PPM1L: variants seen among roughly 807,000 people sequenced by gnomAD.
PPM1L encodes protein phosphatase, Mg2+/Mn2+ dependent 1L.
Under a neutral mutation model 31.4 loss-of-function variants are expected in PPM1L, and 13 were observed. That is an observed-to-expected ratio of 0.41 (90% confidence interval 0.27 to 0.66). PPM1L has a LOEUF of 0.66. Ranked by LOEUF, PPM1L falls within the 30% of genes least tolerant of loss-of-function variation. The pLI, the probability that PPM1L is intolerant of heterozygous loss-of-function variation, is 0.29. For synonymous variants in PPM1L, 184 were observed against 175.4 expected, an observed-to-expected ratio of 1.05 and a Z score of -0.39; for missense variants, 326 against 453.7, an observed-to-expected ratio of 0.72 and a Z score of 2.56.
At chr3:160,912,126 G>C (rs1713994976) in intron 1 of PPM1L, among the ~76,000 whole-genome samples, 1 of 152,164 alleles carries the variant, frequency 6.6e-6, no homozygotes, top group African/African-American at 2.4e-5. Context: ...GATGAGGTTA[G>C]AATCATGCCT....
At chr3:160,766,820 A>T (rs1294257887) in intron 1 of PPM1L, among the ~76,000 whole-genome samples, 1 of 151,272 alleles carries the variant, frequency 6.6e-6, no homozygotes, top group Non-Finnish European at 1.5e-5. Flanking sequence ...GCTGCTTCCA[A>T]CTTTTCTGGA....
intron 1 of PPM1L, among the ~76,000 whole-genome samples, chr3:160,910,283 T>TTCCCC (rs1713923883): frequency 5.9e-5 from 1 of 16,942 alleles, no homozygotes; most frequent in African/African-American, 2.1e-4. Context: ...TCCCCTTCCC[T>TTCCCC]TTCCCCTTCC....
At chr3:160,781,537 A>G (rs545357483) in intron 1 of PPM1L, among the ~76,000 whole-genome samples, 4 of 152,306 alleles carry the variant, frequency 2.6e-5, no homozygotes, top group Non-Finnish European at 5.9e-5. Context: ...GTCCCCTCTA[A>G]AAGCATTTCA....
At chr3:160,977,716 C>T (rs933134264) in intron 2 of PPM1L, among the ~76,000 whole-genome samples, 13 of 151,980 alleles carry the variant, frequency 8.6e-5, no homozygotes, top group African/African-American at 1.9e-4. Flanking sequence ...TAAATAAGGA[C>T]GAAAGCAAAT....
chr3:160,808,114 A>G (rs149741656), intron 1 of PPM1L, among the ~76,000 whole-genome samples: 27 of 152,202 alleles, frequency 1.8e-4, no homozygotes, highest in African/African-American at 6.3e-4. Context: ...TTGCCTGTTT[A>G]TCTTACTGAG....
intron 2 of PPM1L, among the ~76,000 whole-genome samples, chr3:160,982,404 GA>G (rs199661699): frequency 2.7e-5 from 4 of 150,838 alleles, no homozygotes; most frequent in Admixed American, 6.6e-5. Context: ...TGGATAGCAA[GA>G]AAAAAAAATG....
intron 1 of PPM1L, among the ~76,000 whole-genome samples, chr3:160,902,164 G>A (rs888773743): frequency 1.3e-5 from 2 of 152,062 alleles, no homozygotes; most frequent in Admixed American, 1.3e-4. Context: ...GTTTGTGTGT[G>A]TGTACGTATG....
chr3:160,847,801 A>G (rs1714128024), intron 1 of PPM1L, among the ~76,000 whole-genome samples: 1 of 152,172 alleles, frequency 6.6e-6, no homozygotes, highest in South Asian at 2.1e-4. Flanking sequence ...ATTGGGACCA[A>G]TATTGGGCCT....
intron 1 of PPM1L, among the ~76,000 whole-genome samples, chr3:160,958,451 C>T (rs1715851823): frequency 1.3e-5 from 2 of 152,178 alleles, no homozygotes; most frequent in Non-Finnish European, 2.9e-5. Context: ...AATTATGGAA[C>T]TATTTCCTGT....
At chr3:160,799,098 A>G (rs1712346652) in intron 1 of PPM1L, among the ~76,000 whole-genome samples, 1 of 152,228 alleles carries the variant, frequency 6.6e-6, no homozygotes, top group South Asian at 2.1e-4. Context: ...TACATGAGCA[A>G]AGAAAGTGGT....
intron 1 of PPM1L, among the ~76,000 whole-genome samples, chr3:160,788,878 T>C (rs568325164): frequency 5.8e-4 from 88 of 152,102 alleles, no homozygotes; most frequent in African/African-American, 2.0e-3. Context: ...ATTTTATTAC[T>C]TTTCATGAAG....
At chr3:160,822,435 G>A (rs1457161439) in intron 1 of PPM1L, among the ~76,000 whole-genome samples, 2 of 151,890 alleles carry the variant, frequency 1.3e-5, no homozygotes, top group African/African-American at 4.8e-5. Flanking sequence ...GATATTTTAT[G>A]TTTTATATGT....
chr3:161,069,144 C>A lies in PPM1L; in HGVS notation c.1070C>A (p.Thr357Lys). 1 of 1,612,960 alleles carries A rather than the reference C, an allele frequency of 6.2e-7. No individual in the cohort carries two copies. The highest frequency in any genetic ancestry group is 8.5e-7 in the Non-Finnish European group (1 of 1,179,446). Residue 357 changes from threonine to lysine, a missense_variant, in exon 4 of 4, where the codon ACA becomes AAA. Transcript: ENST00000498165. ...GTGAAGTTCAGAAATAGCAGCAAAA[C>A]AGAAGAGCAGTGAACCCTTCAGGGG... ...MVVKFRNSSK[T>K]EEQ
intron 1 of PPM1L, among the ~76,000 whole-genome samples, chr3:160,814,518 T>C (rs13068380): frequency 0.055 from 4,135 of 75,164 alleles, 375 homozygotes; most frequent in African/African-American, 0.12. Flanking sequence ...TGTATATATA[T>C]ACACACACAT....
intron 1 of PPM1L, among the ~76,000 whole-genome samples, chr3:160,793,544 A>G (rs1263127594): frequency 2.0e-5 from 3 of 152,180 alleles, no homozygotes; most frequent in Admixed American, 6.6e-5. Context: ...GGGATAAGAA[A>G]TATGTTGAGA....
At chr3:160,868,409 T>C (rs1051155771) in intron 1 of PPM1L, among the ~76,000 whole-genome samples, 10 of 152,262 alleles carry the variant, frequency 6.6e-5, no homozygotes, top group African/African-American at 1.9e-4. Flanking sequence ...ACTAGAGAAT[T>C]AGGGTAAAAT....
chr3:161,068,901 A>G lies in PPM1L; in HGVS notation c.827A>G (p.Asn276Ser). 6.2e-7 allele frequency: 1 copy of G among 1,614,076 alleles called. No homozygotes were observed. Among genetic ancestry groups the G allele is most frequent in the Non-Finnish European group, 8.5e-7 (1 of 1,180,004 alleles). The stretch of plus-strand genomic sequence containing the variant: ...GGGGATTATCCGCTGAAAAATCTCA[A>G]CGTGGTCATCCCAGACCCAGACATC... ...SLGDYPLKNLNVVIPDPDILT... is the reference protein window; with the variant it reads ...SLGDYPLKNLSVVIPDPDILT... The change falls in exon 4 of 4, where the codon AAC (asparagine) becomes AGC (serine). Residue 276 changes from asparagine to serine, a missense_variant. By Grantham distance (46) the Asn-to-Ser change is conservative (BLOSUM62 1). Coordinates refer to ENST00000498165, the MANE Select transcript of PPM1L (RefSeq NM_139245.4).
chr3:160,791,424 C>G (rs1034001411), intron 1 of PPM1L, among the ~76,000 whole-genome samples: 1 of 152,102 alleles, frequency 6.6e-6, no homozygotes, highest in East Asian at 1.9e-4. Flanking sequence ...AGCAGCATAA[C>G]TAGGTCTTAG....
At chr3:160,794,664 G>A (rs1443652783) in intron 1 of PPM1L, among the ~76,000 whole-genome samples, 6 of 152,116 alleles carry the variant, frequency 3.9e-5, no homozygotes, top group Non-Finnish European at 8.8e-5. Flanking sequence ...GAGCAAGATT[G>A]TTATCTTCAC....
Sources: allele counts gnomAD v4.1 joint callset (sites outside exome capture counted in the v4.1 genomes callset), GRCh38; gene constraint gnomAD v4.1.1; transcripts MANE v1.5; gene names NCBI Gene and HGNC (gene_info 2026-07-23, HGNC 2026-07-21).